Variants in APP observed in about 807,000 individuals in gnomAD.
The protein encoded by APP is amyloid beta precursor protein, also known as amyloid-beta precursor protein.
In APP, 31 loss-of-function variants were observed where a neutral mutation model predicts 101.4. That is an observed-to-expected ratio of 0.31 (90% CI 0.23 to 0.41). The LOEUF (loss-of-function observed/expected upper bound fraction) is 0.41. Ranked by LOEUF, APP falls within the 10% of genes least tolerant of loss-of-function variation. The pLI, the probability that APP is intolerant of heterozygous loss-of-function variation, is 1.00. For synonymous variants in APP, 366 were observed against 364.4 expected (o/e 1.00, Z -0.05); for missense variants, 839 against 1,003.7 (o/e 0.84, Z 2.22).
chr21:26,017,198 C>CAAAA (rs35206910), intron 6 of APP, among the ~76,000 whole-genome samples: 20,845 of 56,196 alleles, frequency 0.37, 4,448 homozygotes, highest in Middle Eastern at 0.55. Context: ...GACTGTATCT[C>CAAAA]AAAAAAAAAA....
chr21:26,164,223 C>T lies in APP; in HGVS notation c.57+6341G>A, dbSNP rs1208818297. On this transcript the variant is annotated intron_variant, in intron 1 of 17. Coordinates refer to ENST00000346798, the MANE Select transcript of APP (RefSeq NM_000484.4). ...TCGCACCACTGCATTCCAGCTTGGG[C>T]GACAGGGCGAGACTCCGTCTCAAAA... Among the ~76,000 whole-genome samples, 4 of 152,092 alleles carry T rather than the reference C, an allele frequency of 2.6e-5. No individual in the cohort carries two copies. In the East Asian group the frequency reaches 5.8e-4, roughly 22 times the overall value.
At chr21:26,088,841 C>G (rs1555873298) in intron 3 of APP, among the ~76,000 whole-genome samples, 2 of 152,174 alleles carry the variant, frequency 1.3e-5, no homozygotes, top group Non-Finnish European at 2.9e-5. Flanking sequence ...GTTTTCTACA[C>G]TCTCTTCATC....
chr21:25,955,667 C>A lies in APP; in HGVS notation c.1547G>T (p.Arg516Leu), dbSNP rs773257494. ...QHTLKHFEHV[R>L]MVDPKKAAQI... ...AGCGGCTTTCTTGGGATCCACCATG[C>A]GCACATGCTCGAAATGCTTTAGGGT... Residue 516 changes from arginine to leucine, a missense_variant, in exon 12 of 18, where the codon CGC (arginine) becomes CTC (leucine). Arg to Leu is a moderately radical substitution (Grantham distance 102). Transcript: ENST00000346798. The A allele has an allele frequency of 6.2e-6, 10 of 1,614,030 alleles. No individual in the cohort carries two copies. Among genetic ancestry groups the A allele is most frequent in the East Asian group, 2.2e-5 (1 of 44,890 alleles).
At position 26,028,353 on chromosome 21, in the gene APP, G is replaced by A. The variant is rs1253830865; in HGVS notation, c.663-6311C>T. Among the ~76,000 whole-genome samples, 3 of 152,172 alleles carry A rather than the reference G, an allele frequency of 2.0e-5. No homozygotes were observed. The East Asian group carries it at 5.8e-4, about 29-fold the overall frequency. On this transcript the variant is annotated intron_variant, in intron 5 of 17. Transcript: ENST00000346798. Reference sequence around the variant, plus strand: ...CTGCTGTATGAGTAACAGACATACTGCAGATTAAACGCTTCAGAAATTCAA... The same window carrying A: ...CTGCTGTATGAGTAACAGACATACTACAGATTAAACGCTTCAGAAATTCAA...
At chr21:26,136,850 C>T (rs2062929525) in intron 1 of APP, among the ~76,000 whole-genome samples, 1 of 152,190 alleles carries the variant, frequency 6.6e-6, no homozygotes, top group African/African-American at 2.4e-5. Context: ...TCTGTAGAAA[C>T]TAGAATGTCA....
chr21:25,988,968 A>C (rs2042751957), intron 8 of APP, among the ~76,000 whole-genome samples: 1 of 152,148 alleles, frequency 6.6e-6, no homozygotes, highest in Admixed American at 6.5e-5. Context: ...ACTGTGATCT[A>C]TTCTCAATAC....
chr21:26,067,850 T>C (rs1186220542), intron 3 of APP, among the ~76,000 whole-genome samples: 2 of 152,164 alleles, frequency 1.3e-5, no homozygotes, highest in African/African-American at 4.8e-5. Flanking sequence ...CCTACTTTGT[T>C]TCTTCAAAAT....
intron 5 of APP, among the ~76,000 whole-genome samples, chr21:26,031,371 C>T (rs1376859286): frequency 2.0e-5 from 3 of 152,128 alleles, no homozygotes; most frequent in Admixed American, 6.5e-5. Flanking sequence ...TGGGCTTCTC[C>T]CCCTCTTTTT....
At chr21:26,031,098 C>G (rs117476099) in intron 5 of APP, among the ~76,000 whole-genome samples, 1 of 151,764 alleles carries the variant, frequency 6.6e-6, no homozygotes, top group African/African-American at 2.4e-5. Context: ...GGTAGTTGGC[C>G]GGGCTGTTGC....
At chr21:25,892,926 C>T (rs2037787037) in intron 16 of APP, among the ~76,000 whole-genome samples, 1 of 146,492 alleles carries the variant, frequency 6.8e-6, no homozygotes, top group East Asian at 2.0e-4. Context: ...CTTTATTGTA[C>T]AGTAGTGCTT....
At chr21:25,939,946 A>G (rs749268955) in intron 13 of APP, among the ~76,000 whole-genome samples, 16 of 152,184 alleles carry the variant, frequency 1.1e-4, no homozygotes, top group Non-Finnish European at 2.2e-4. Context: ...TCAGAATTAT[A>G]TAGGAATTAA....
At chr21:26,115,186 C>T (rs1173702362) in intron 1 of APP, among the ~76,000 whole-genome samples, 1 of 152,104 alleles carries the variant, frequency 6.6e-6, no homozygotes, top group African/African-American at 2.4e-5. Flanking sequence ...ACTGCGAATC[C>T]TCAATAATAG....
chr21:25,898,984 G>GT (rs1334235709), intron 15 of APP, among the ~76,000 whole-genome samples: 1 of 152,090 alleles, frequency 6.6e-6, no homozygotes, highest in Non-Finnish European at 1.5e-5. Context: ...CAAGGAGAAG[G>GT]TAAGGATAAT....
chr21:26,043,258 C>G (rs1207599759), intron 5 of APP, among the ~76,000 whole-genome samples: 1 of 151,170 alleles, frequency 6.6e-6, no homozygotes, highest in Non-Finnish European at 1.5e-5. Flanking sequence ...TTTTTTGAGA[C>G]AGAGTCTTGC....
chr21:25,976,179 T>C (rs971192555), intron 9 of APP, 151 bp from the exon 10 acceptor site: 4 of 639,666 alleles, frequency 6.3e-6, no homozygotes, highest in South Asian at 3.5e-5. Context: ...TGAAGAATAT[T>C]TGACCTCCCA....
chr21:26,096,590 G>A (rs932757343), intron 2 of APP, among the ~76,000 whole-genome samples: 1 of 152,180 alleles, frequency 6.6e-6, no homozygotes, highest in Non-Finnish European at 1.5e-5. Context: ...TTGACTGGAG[G>A]TGAGCATAAG....
chr21:25,892,446 G>GA (rs1325317925), intron 16 of APP, among the ~76,000 whole-genome samples: 2 of 144,120 alleles, frequency 1.4e-5, no homozygotes, highest in South Asian at 4.4e-4. Context: ...TTAAACAATA[G>GA]AAAAAAAGAT....
chr21:26,150,612 G>A (rs1185805905), intron 1 of APP, among the ~76,000 whole-genome samples: 1 of 150,808 alleles, frequency 6.6e-6, no homozygotes, highest in Non-Finnish European at 1.5e-5. Flanking sequence ...TAGACAGATA[G>A]ATAGACAGAT....
At chr21:26,061,214 G>T (rs936382616) in intron 3 of APP, among the ~76,000 whole-genome samples, 1 of 152,126 alleles carries the variant, frequency 6.6e-6, no homozygotes, top group Non-Finnish European at 1.5e-5. Flanking sequence ...TATTCCAACA[G>T]CTAGAAGATG....
Sources: gnomAD v4.1 joint callset for allele counts (sites outside exome capture counted in the v4.1 genomes callset) on GRCh38, gnomAD v4.1.1 for gene constraint, MANE v1.5 for transcripts, NCBI Gene and HGNC (gene_info 2026-07-23, HGNC 2026-07-21) for gene names.